The following ARHGAP35 variants were observed in gnomAD, a reference collection of about 807,000 sequenced individuals.
ARHGAP35 encodes the protein Rho GTPase activating protein 35.
In ARHGAP35, 15 loss-of-function variants were observed where a neutral mutation model predicts 111.1. That is an observed-to-expected ratio of 0.13 (90% confidence interval 0.09 to 0.21). ARHGAP35 has a LOEUF of 0.21. Among genes scored for constraint, ARHGAP35 ranks in the 10% least tolerant of loss-of-function variants. The pLI is 1.00. For missense variants in ARHGAP35, 1,262 were observed against 1,873.0 expected, an observed-to-expected ratio of 0.67 and a Z score of 6.02; for synonymous variants, 643 against 710.3, an observed-to-expected ratio of 0.91 and a Z score of 1.51.
At chr19:46,898,995 C>A (rs1249856109) in intron 1 of ARHGAP35, among the ~76,000 whole-genome samples, 2 of 152,232 alleles carry the variant, frequency 1.3e-5, no homozygotes, top group Non-Finnish European at 2.9e-5. Context: ...ACTTGCCAAC[C>A]AATCTCCAGC....
At position 46,958,211 on chromosome 19, in the gene ARHGAP35, G is replaced by A. The variant is rs368617488; in HGVS notation, c.3826+20803G>A. Among the ~76,000 whole-genome samples, 7 of 152,050 alleles carry A rather than the reference G, an allele frequency of 4.6e-5. No homozygotes were observed. The South Asian group carries it at 1.5e-3, about 32-fold the overall frequency. ...ATCCTGGCTTACACGGTGAAACCCC[G>A]TCTCTACTAAAAATACAAAACAATT... On this transcript the variant is annotated intron_variant, in intron 3 of 6. Transcript: ENST00000672722.
In ARHGAP35 at chr19:46,933,137, CT is replaced by C. The variant is rs1174653724; in HGVS notation, c.3682-4105del. Among the ~76,000 whole-genome samples, 52 of 99,522 alleles carry C rather than the reference CT, an allele frequency of 5.2e-4. 1 individual carries two copies. The highest frequency in any genetic ancestry group is 1.8e-3 in the South Asian group (5 of 2,830). The allele number at this position is 99,522 out of a possible 152,430, so 65.3% of individuals were successfully genotyped here. On this transcript the variant is annotated intron_variant, in intron 2 of 6. Coordinates refer to ENST00000672722, the MANE Select transcript of ARHGAP35 (RefSeq NM_004491.5). ...AGATAATCAGTGATCAGTGTGCCTT[CT>C]TTTTTTTTTTTTTTTTTTTTTCCGA...
intron 1 of ARHGAP35, among the ~76,000 whole-genome samples, chr19:46,897,157 C>G (rs2056061959): frequency 6.6e-6 from 1 of 151,992 alleles, no homozygotes; most frequent in South Asian, 2.1e-4. Context: ...CCTCAGCCTC[C>G]CAAAGTGCTG....
intron 3 of ARHGAP35, among the ~76,000 whole-genome samples, chr19:46,944,020 C>T (rs939917661): frequency 6.6e-6 from 1 of 152,096 alleles, no homozygotes; most frequent in African/African-American, 2.4e-5. Flanking sequence ...TAATAGATGG[C>T]CAGGCATGAT....
intron 3 of ARHGAP35, among the ~76,000 whole-genome samples, chr19:46,957,109 A>C (rs13346852): frequency 0.64 from 96,618 of 151,620 alleles, 31,531 homozygotes; most frequent in Middle Eastern, 0.81. Flanking sequence ...CTACAGGCAC[A>C]CACCACCACG....
At chr19:46,940,757 G>A (rs1342217033) in intron 3 of ARHGAP35, among the ~76,000 whole-genome samples, 1 of 151,992 alleles carries the variant, frequency 6.6e-6, no homozygotes, top group Non-Finnish European at 1.5e-5. Flanking sequence ...GCCCGGCCTT[G>A]GCTTTGTTTT....
rs376792949 is a variant in ARHGAP35, at chr19:46,921,170, G to C, written c.2495G>C (p.Arg832Pro). The C allele has an allele frequency of 2.5e-6, 4 of 1,613,862 alleles. No homozygotes were observed. Among genetic ancestry groups the C allele is most frequent in the South Asian group, 2.2e-5 (2 of 91,076 alleles). The change falls in exon 2 of 7, where the codon CGG becomes CCG. Residue 832 changes from arginine (R) to proline (P), a missense_variant. By Grantham distance (103) the Arg-to-Pro change is moderately radical. Around this residue, in one of 8 missense-constraint regions of ARHGAP35, gnomAD observed 579 missense variants for 716.9 expected, o/e 0.81. Coordinates refer to ENST00000672722, the MANE Select transcript of ARHGAP35 (RefSeq NM_004491.5). The surrounding 1 kb of genome is among the most constrained non-coding windows in gnomAD (Gnocchi z 4.3). Reference protein sequence around the residue: ...LELPIGLHKKRIELSVLSYHS... With the variant: ...LELPIGLHKKPIELSVLSYHS... The stretch of plus-strand genomic sequence containing the variant: ...CTACCAATCGGACTGCACAAGAAGC[G>C]GATTGAACTGTCTGTTCTTTCATAC...
In ARHGAP35 at chr19:46,896,003, G is replaced by A. The variant is rs146107351; in HGVS notation, c.-188-22485G>A. On this transcript the variant is annotated intron_variant, in intron 1 of 6. Coordinates refer to ENST00000672722, the MANE Select transcript of ARHGAP35 (RefSeq NM_004491.5). The stretch of plus-strand genomic sequence containing the variant: ...TGTAGTCCCAGCTACTCGGGAGGCT[G>A]AGGCAGGAGAATCGCTTAAACCCAG... Among the ~76,000 whole-genome samples, 630 of 152,186 alleles carry A rather than the reference G, an allele frequency of 4.1e-3. 6 individuals are homozygous for A. The highest frequency in any genetic ancestry group is 0.015 in the African/African-American group (603 of 41,532).
chr19:46,977,406 A>G (rs1293869970), intron 3 of ARHGAP35, among the ~76,000 whole-genome samples: 1 of 152,266 alleles, frequency 6.6e-6, no homozygotes, highest in Non-Finnish European at 1.5e-5. Flanking sequence ...CAGCTCCTCC[A>G]TGCTGGCCCC....
chr19:46,927,564 G>T (rs2056245576), intron 2 of ARHGAP35, among the ~76,000 whole-genome samples: 1 of 152,210 alleles, frequency 6.6e-6, no homozygotes, highest in African/African-American at 2.4e-5. Context: ...CTCTGGAGAG[G>T]TGAGGGGGAC....
intron 2 of ARHGAP35, among the ~76,000 whole-genome samples, chr19:46,927,226 G>A (rs2056243737): frequency 6.6e-6 from 1 of 152,246 alleles, no homozygotes; most frequent in South Asian, 2.1e-4. Flanking sequence ...TGGGCATTCA[G>A]TGAGCACTTG....
chr19:46,889,477 CAAAG>C (rs1300741084), intron 1 of ARHGAP35, among the ~76,000 whole-genome samples: 2 of 151,168 alleles, frequency 1.3e-5, no homozygotes, highest in African/African-American at 4.9e-5. Context: ...AAAACAAAGA[CAAAG>C]AACCGTTCTT....
intron 1 of ARHGAP35, among the ~76,000 whole-genome samples, chr19:46,906,642 G>T (rs1267845344): frequency 6.6e-6 from 1 of 152,150 alleles, no homozygotes; most frequent in Non-Finnish European, 1.5e-5. Context: ...TATTTTCCTT[G>T]GTTCCATTCG....
In ARHGAP35 at chr19:46,921,924, T is replaced by C. The variant is rs2056203897; in HGVS notation, c.3249T>C (p.Asp1083=). The change falls in exon 2 of 7, where the codon GAT becomes GAC. Residue 1083 remains aspartate, a synonymous_variant. Coordinates refer to ENST00000672722, the MANE Select transcript of ARHGAP35 (RefSeq NM_004491.5). This position sits in a 1 kb window ranked among gnomAD's most constrained non-coding sequence, Gnocchi z 4.3. ...SSPWLPQDGF[D]PSDYAEPMDA... The stretch of plus-strand genomic sequence containing the variant: ...CCTGGCTGCCTCAGGATGGGTTTGA[T>C]CCTTCTGACTATGCTGAACCCATGG... 6.2e-7 allele frequency: 1 copy of C among 1,613,872 alleles called. No homozygotes were observed. The highest frequency in any genetic ancestry group is 8.5e-7 in the Non-Finnish European group (1 of 1,179,904).
intron 3 of ARHGAP35, among the ~76,000 whole-genome samples, chr19:46,946,047 A>C (rs2056377621): frequency 6.6e-6 from 1 of 152,214 alleles, no homozygotes; most frequent in South Asian, 2.1e-4. Flanking sequence ...TATTCAAACT[A>C]TTCTATATAA....
At chr19:46,888,362 A>C (rs1452780320) in intron 1 of ARHGAP35, among the ~76,000 whole-genome samples, 4 of 131,708 alleles carry the variant, frequency 3.0e-5, no homozygotes, top group African/African-American at 1.1e-4. Flanking sequence ...ACACACACAC[A>C]CACCCCACAA....
chr19:46,967,019 A>G (rs1410361573), intron 3 of ARHGAP35, among the ~76,000 whole-genome samples: 1 of 152,138 alleles, frequency 6.6e-6, no homozygotes, highest in Non-Finnish European at 1.5e-5. Context: ...TCAGGTGTAG[A>G]GGTGAGAGGC....
chr19:46,955,538 T>G (rs1216322119), intron 3 of ARHGAP35, among the ~76,000 whole-genome samples: 1 of 152,204 alleles, frequency 6.6e-6, no homozygotes, highest in African/African-American at 2.4e-5. Context: ...AAAATTCATT[T>G]ATGTTTCATA....
At chr19:46,889,103 A>G (rs2056010864) in intron 1 of ARHGAP35, among the ~76,000 whole-genome samples, 1 of 152,002 alleles carries the variant, frequency 6.6e-6, no homozygotes, top group African/African-American at 2.4e-5. Flanking sequence ...TGGATCACCC[A>G]AGGTCAGGAG....
Sources: allele counts gnomAD v4.1 joint callset (sites outside exome capture counted in the v4.1 genomes callset), GRCh38; gene constraint gnomAD v4.1.1; regional missense constraint gnomAD v4.1.1; non-coding constraint Gnocchi (gnomAD v3.1); transcripts MANE v1.5; gene names NCBI Gene and HGNC (gene_info 2026-07-23, HGNC 2026-07-21).